Variants in IL1RAPL1 observed in about 807,000 individuals in gnomAD.
The protein encoded by IL1RAPL1 is interleukin 1 receptor accessory protein like 1.
IL1RAPL1 carries 3 observed loss-of-function variants against 48.4 expected under a neutral mutation model. That is an observed-to-expected ratio of 0.06 (90% CI 0.03 to 0.16). IL1RAPL1 has a LOEUF of 0.16. Ranked by LOEUF, IL1RAPL1 falls within the 10% of genes least tolerant of loss-of-function variation. The pLI, the probability that IL1RAPL1 is intolerant of heterozygous loss-of-function variation, is 1.00. For missense variants in IL1RAPL1, 349 were observed against 530.6 expected, an observed-to-expected ratio of 0.66 and a Z score of 3.36; for synonymous variants, 185 against 187.7, an observed-to-expected ratio of 0.99 and a Z score of 0.12.
intron 1 of IL1RAPL1, among the ~76,000 whole-genome samples, chrX:28,700,888 C>CT (rs1935287748): frequency 9.0e-6 from 1 of 111,609 alleles, no homozygotes; most frequent in Non-Finnish European, 1.9e-5. Context: ...TGAACTCATT[C>CT]TTTTTTATGG....
intron 1 of IL1RAPL1, among the ~76,000 whole-genome samples, chrX:28,666,580 A>G (rs1394025907): frequency 8.9e-6 from 1 of 112,293 alleles, no homozygotes; most frequent in Non-Finnish European, 1.9e-5. Flanking sequence ...GTAGGACTAT[A>G]TTAAAGTGAA....
intron 9 of IL1RAPL1, among the ~76,000 whole-genome samples, chrX:29,945,587 G>T (rs1933200763): frequency 8.9e-6 from 1 of 112,262 alleles, no homozygotes; most frequent in African/African-American, 3.2e-5. Flanking sequence ...AATAACAAGT[G>T]ATGTGTTGAC....
At chrX:28,848,127 AC>A (rs2147295364) in intron 2 of IL1RAPL1, among the ~76,000 whole-genome samples, 1 of 110,850 alleles carries the variant, frequency 9.0e-6, no homozygotes, top group South Asian at 3.9e-4. Context: ...GAACACATGG[AC>A]ACAGGGAGGG....
intron 2 of IL1RAPL1, among the ~76,000 whole-genome samples, chrX:28,878,690 A>G (rs766608118): frequency 5.3e-4 from 59 of 111,773 alleles, no homozygotes; most frequent in Non-Finnish European, 1.0e-3. Context: ...AAAGACAGTA[A>G]GCCTCCAGAA....
intron 1 of IL1RAPL1, among the ~76,000 whole-genome samples, chrX:28,642,406 T>G (rs1359564045): frequency 8.9e-6 from 1 of 111,841 alleles, no homozygotes; most frequent in African/African-American, 3.3e-5. Context: ...TACCACATAA[T>G]TGGAAGTAAA....
At chrX:28,768,685 G>GTCTCTCTCTCTCTCTC (rs1201931623) in intron 1 of IL1RAPL1, among the ~76,000 whole-genome samples, 1 of 37,819 alleles carries the variant, frequency 2.6e-5, no homozygotes, top group African/African-American at 8.5e-5. Flanking sequence ...GGCTCTCTCT[G>GTCTCTCTCTCTCTCTC]TCTCTCTCTC....
intron 1 of IL1RAPL1, among the ~76,000 whole-genome samples, chrX:28,767,872 C>A (rs1936259149): frequency 9.0e-6 from 1 of 111,341 alleles, no homozygotes; most frequent in Non-Finnish European, 1.9e-5. Flanking sequence ...TGATCATAAG[C>A]AGACTGTTGC....
chrX:29,763,745 T>A (rs1928809080), intron 6 of IL1RAPL1, among the ~76,000 whole-genome samples: 1 of 111,008 alleles, frequency 9.0e-6, no homozygotes. Flanking sequence ...GGGCATAGGT[T>A]CAAGACAAGA....
At chrX:29,579,975 C>G (rs1922904780) in intron 5 of IL1RAPL1, among the ~76,000 whole-genome samples, 1 of 111,132 alleles carries the variant, frequency 9.0e-6, no homozygotes, top group Non-Finnish European at 1.9e-5. Flanking sequence ...TATTGCCTTA[C>G]TCTTATATTG....
intron 1 of IL1RAPL1, among the ~76,000 whole-genome samples, chrX:28,612,901 G>T (rs1323433298): frequency 8.9e-6 from 1 of 111,851 alleles, no homozygotes; most frequent in African/African-American, 3.2e-5. Flanking sequence ...CCATATATTA[G>T]TTAAAATTAG....
At chrX:29,042,941 T>C (rs2147418052) in intron 2 of IL1RAPL1, among the ~76,000 whole-genome samples, 1 of 112,026 alleles carries the variant, frequency 8.9e-6, no homozygotes, top group East Asian at 2.8e-4. Flanking sequence ...TTAATTGATG[T>C]TTTGATTCCA....
intron 6 of IL1RAPL1, among the ~76,000 whole-genome samples, chrX:29,683,924 A>G (rs918980959): frequency 1.8e-5 from 2 of 112,257 alleles, no homozygotes; most frequent in Non-Finnish European, 3.8e-5. Flanking sequence ...CGCAACAAAC[A>G]TAGGAGTGTA....
intron 2 of IL1RAPL1, among the ~76,000 whole-genome samples, chrX:28,965,444 G>C (rs927829044): frequency 1.8e-5 from 2 of 111,395 alleles, no homozygotes; most frequent in Non-Finnish European, 3.8e-5. Context: ...GCATAAAATA[G>C]TTTACTTAAT....
At chrX:29,545,879 G>A (rs1921611306) in intron 5 of IL1RAPL1, among the ~76,000 whole-genome samples, 1 of 111,899 alleles carries the variant, frequency 8.9e-6, no homozygotes, top group Non-Finnish European at 1.9e-5. Context: ...CTATCTTAAT[G>A]TTACTTACAG....
chrX:29,074,599 A>C (rs867505113), intron 2 of IL1RAPL1, among the ~76,000 whole-genome samples: 3 of 111,826 alleles, frequency 2.7e-5, no homozygotes, highest in African/African-American at 9.7e-5. Flanking sequence ...CTTCTTTTCC[A>C]TGTTTTCATT....
At chrX:29,354,436 CT>C (rs1933275318) in intron 3 of IL1RAPL1, among the ~76,000 whole-genome samples, 4 of 111,929 alleles carry the variant, frequency 3.6e-5, no homozygotes, top group Non-Finnish European at 1.9e-5. Flanking sequence ...GTTCAGCACA[CT>C]TATGTTAGCC....
At chrX:29,195,556 A>AT (rs1930425658) in intron 2 of IL1RAPL1, among the ~76,000 whole-genome samples, 1 of 78,504 alleles carries the variant, frequency 1.3e-5, no homozygotes, top group African/African-American at 4.6e-5. Flanking sequence ...CTAACTAATT[A>AT]CTTTTTTTTT....
intron 2 of IL1RAPL1, among the ~76,000 whole-genome samples, chrX:29,164,984 A>C (rs1053369199): frequency 8.9e-6 from 1 of 111,975 alleles, no homozygotes; most frequent in Non-Finnish European, 1.9e-5. Flanking sequence ...CACAGCGTCT[A>C]ACTTGTGCTT....
chrX:29,342,112 TTG>T (rs753779178), intron 3 of IL1RAPL1, among the ~76,000 whole-genome samples: 24,464 of 87,352 alleles, frequency 0.28, 2,864 homozygotes, highest in South Asian at 0.39. Flanking sequence ...CGGCCTTGTT[TTG>T]TGTGTGTGTG....
Sources: gnomAD v4.1 joint callset for allele counts (sites outside exome capture counted in the v4.1 genomes callset) on GRCh38, gnomAD v4.1.1 for gene constraint, MANE v1.5 for transcripts, NCBI Gene and HGNC (gene_info 2026-07-23, HGNC 2026-07-21) for gene names.